ADTRP: variants seen among roughly 807,000 people sequenced by gnomAD.
The protein encoded by ADTRP is androgen-dependent TFPI-regulating protein.
Under a neutral mutation model 27.0 loss-of-function variants are expected in ADTRP, and 20 were observed. The observed-to-expected ratio is 0.74, with a 90% CI of 0.52 to 1.08. The LOEUF is 1.08. Among genes scored for constraint, ADTRP ranks in the 50% least tolerant of loss-of-function variants. ADTRP has a pLI of 0.00. For missense variants in ADTRP, 251 were observed against 275.0 expected, an observed-to-expected ratio of 0.91 and a Z score of 0.62; for synonymous variants, 101 against 105.2, an observed-to-expected ratio of 0.96 and a Z score of 0.25.
chr6:11,717,899 C>T lies in ADTRP; in HGVS notation c.659-3387G>A, dbSNP rs1761883735. Among the ~76,000 whole-genome samples, 3 of 152,358 alleles carry T rather than the reference C, an allele frequency of 2.0e-5. No individual in the cohort carries two copies. The South Asian group carries it at 6.2e-4, about 32-fold the overall frequency. ...TTGACTAAATGCTGCCCCAGTGGGA[C>T]CATGCTTTAGAAGTACCTGTGGAGT... On this transcript the variant is annotated intron_variant, in intron 5 of 5. Coordinates refer to ENST00000414691, the MANE Select transcript of ADTRP (RefSeq NM_032744.4).
intron 3 of ADTRP, among the ~76,000 whole-genome samples, chr6:11,742,943 G>A (rs1258288738): frequency 1.3e-5 from 2 of 152,210 alleles, no homozygotes; most frequent in Non-Finnish European, 2.9e-5. Flanking sequence ...CATTACCACT[G>A]TTGATAACAC....
intron 5 of ADTRP, among the ~76,000 whole-genome samples, chr6:11,720,793 G>A (rs1008220410): frequency 1.3e-5 from 2 of 151,954 alleles, no homozygotes; most frequent in Admixed American, 6.5e-5. Context: ...TAACTGGTAC[G>A]CCTTGTCATC....
chr6:11,775,904 A>C (rs948241822), intron 1 of ADTRP, among the ~76,000 whole-genome samples: 1 of 152,236 alleles, frequency 6.6e-6, no homozygotes, highest in Non-Finnish European at 1.5e-5. Context: ...AGGACTGGAT[A>C]CTAACTTCCC....
chr6:11,778,381 GC>G (rs1764028180), intron 1 of ADTRP, among the ~76,000 whole-genome samples: 1 of 151,754 alleles, frequency 6.6e-6, no homozygotes. Flanking sequence ...TTTCAAGAGA[GC>G]ATTTAACAAT....
intron 3 of ADTRP, among the ~76,000 whole-genome samples, chr6:11,749,378 AC>A (rs1364856745): frequency 3.2e-4 from 48 of 152,338 alleles, no homozygotes; most frequent in African/African-American, 1.1e-3. Context: ...AGAGATACCT[AC>A]TGATATATAC....
At chr6:11,726,244 C>T (rs772722294) in intron 4 of ADTRP, among the ~76,000 whole-genome samples, 5 of 152,162 alleles carry the variant, frequency 3.3e-5, no homozygotes, top group Non-Finnish European at 5.9e-5. Context: ...GAGGAGGCAG[C>T]GGGGAATGCT....
intron 4 of ADTRP, among the ~76,000 whole-genome samples, chr6:11,731,370 C>A (rs75282836): frequency 1.7e-3 from 265 of 152,296 alleles, no homozygotes; most frequent in African/African-American, 6.2e-3. Context: ...GCATAATTTG[C>A]TGGCCAAGTT....
intron 1 of ADTRP, among the ~76,000 whole-genome samples, chr6:11,773,781 C>A (rs1037369943): frequency 1.2e-4 from 19 of 152,230 alleles, no homozygotes; most frequent in African/African-American, 4.3e-4. Context: ...CAAGTGAGCA[C>A]AGCCAGTGTT....
intron 2 of ADTRP, chr6:11,767,802 C>T (rs565340236): frequency 6.5e-6 from 1 of 154,216 alleles, no homozygotes; most frequent in East Asian, 1.9e-4. Context: ...GGTCTCATAT[C>T]TCTTTTCAAA....
At chr6:11,740,966 A>G (rs1258702774) in intron 3 of ADTRP, among the ~76,000 whole-genome samples, 1 of 152,220 alleles carries the variant, frequency 6.6e-6, no homozygotes, top group African/African-American at 2.4e-5. Context: ...TTCAGTCTCA[A>G]AGACTGAAGT....
At chr6:11,763,330 C>G (rs1763450503) in intron 3 of ADTRP, among the ~76,000 whole-genome samples, 1 of 152,184 alleles carries the variant, frequency 6.6e-6, no homozygotes, top group Non-Finnish European at 1.5e-5. Flanking sequence ...ACAGATACTA[C>G]TCATAACAAC....
At chr6:11,732,043 G>C (rs1478841181) in intron 4 of ADTRP, among the ~76,000 whole-genome samples, 1 of 152,164 alleles carries the variant, frequency 6.6e-6, no homozygotes, top group East Asian at 1.9e-4. Flanking sequence ...AAATAAGTGA[G>C]CTACCATATT....
In ADTRP at chr6:11,714,449, TTTCTTGG is replaced by T. The variant is rs1159595336; in HGVS notation, c.*22_*28del. ...GAGAAAAATCTCTTGTGTTTTCTTCTTTCTTGGTTCTTGGAAAATGGTGTGCAATTAC... is the reference window on the plus strand; with the variant it reads ...GAGAAAAATCTCTTGTGTTTTCTTCTTTCTTGGAAAATGGTGTGCAATTAC... On this transcript the variant is annotated 3_prime_UTR_variant, in exon 6 of 6. Transcript: ENST00000414691. 5 of 1,605,564 alleles carry T rather than the reference TTTCTTGG, an allele frequency of 3.1e-6. No individual in the cohort carries two copies. Among genetic ancestry groups the T allele is most frequent in the Non-Finnish European group, 4.2e-6 (5 of 1,177,822 alleles).
chr6:11,769,915 A>G, intron 1 of ADTRP: 1 of 1,157,406 alleles, frequency 8.6e-7, no homozygotes, highest in Non-Finnish European at 1.2e-6. Flanking sequence ...ACTTTTATTC[A>G]TTACTTGGTA....
chr6:11,716,701 TTTTTTC>T (rs1301913821), intron 5 of ADTRP, among the ~76,000 whole-genome samples: 19 of 136,150 alleles, frequency 1.4e-4, no homozygotes, highest in African/African-American at 3.2e-4. Flanking sequence ...TGACCATGCT[TTTTTTC>T]TTTTTCTTTT....
rs3069335 is a variant in ADTRP at position 11,713,980 on chromosome 6, TAA to T, written c.*496_*497del. On this transcript the variant is annotated 3_prime_UTR_variant, in exon 6 of 6. Transcript: ENST00000414691. ...TCTTTTAAAGAAAGTTGGGATTATT[TAA>T]AAAAAAAAAAATGGCCCAGGACCAG... The T allele has an allele frequency of 0.47, 70,090 of 149,810 alleles. 17,799 individuals carry two copies. Among genetic ancestry groups the T allele is most frequent in the Non-Finnish European group, 0.59 (39,742 of 67,492 alleles). The allele number at this position is 149,810 out of a possible 1,614,324, so 9.3% of individuals were successfully genotyped here.
At chr6:11,769,728 TA>T (rs370650765) in intron 1 of ADTRP, among the ~76,000 whole-genome samples, 1,688 of 141,116 alleles carry the variant, frequency 0.012, 14 homozygotes, top group South Asian at 0.031. Context: ...AAATAAAAGT[TA>T]AAAAAAAAAA....
intron 3 of ADTRP, among the ~76,000 whole-genome samples, chr6:11,751,863 T>C (rs1457837581): frequency 6.6e-6 from 1 of 152,262 alleles, no homozygotes; most frequent in Non-Finnish European, 1.5e-5. Context: ...ACTTTGGAGC[T>C]ATTATTCCAT....
At chr6:11,767,885 TA>T (rs1763626640) in intron 2 of ADTRP, 1 of 185,672 alleles carries the variant, frequency 5.4e-6, no homozygotes, top group Non-Finnish European at 1.1e-5. Context: ...ACAAGATGTA[TA>T]AAAGGGGAAA....
Sources: allele counts gnomAD v4.1 joint callset (sites outside exome capture counted in the v4.1 genomes callset), GRCh38; gene constraint gnomAD v4.1.1; transcripts MANE v1.5; gene names NCBI Gene and HGNC (gene_info 2026-07-23, HGNC 2026-07-21).